Variants in DOCK4 observed in about 807,000 individuals in gnomAD.
DOCK4 encodes dedicator of cytokinesis protein 4.
In DOCK4, 97 loss-of-function variants were observed where a neutral mutation model predicts 268.1. The observed-to-expected ratio is 0.36, with a 90% confidence interval of 0.31 to 0.43. The LOEUF (loss-of-function observed/expected upper bound fraction) is 0.43, where lower values mean the gene tolerates loss of function less well. Among genes scored for constraint, DOCK4 ranks in the 20% least tolerant of loss-of-function variants. The probability of loss-of-function intolerance (pLI) is 1.00; values close to 1 mark genes in which losing one functional copy is unlikely to be tolerated. For synonymous variants in DOCK4, 954 were observed against 887.2 expected, an observed-to-expected ratio of 1.08 and a Z score of -1.34; for missense variants, 2,145 against 2,455.7, an observed-to-expected ratio of 0.87 and a Z score of 2.67.
chr7:111,868,455 A>G (rs1806154234), intron 21 of DOCK4, among the ~76,000 whole-genome samples: 1 of 152,242 alleles, frequency 6.6e-6, no homozygotes, highest in Non-Finnish European at 1.5e-5. Context: ...TCACGCCTGT[A>G]ATCCCAGCAC....
chr7:112,163,519 A>C (rs1440232669), intron 1 of DOCK4, among the ~76,000 whole-genome samples: 1 of 152,180 alleles, frequency 6.6e-6, no homozygotes, highest in African/African-American at 2.4e-5. Flanking sequence ...CAGCCAATGA[A>C]TGGTTGTCTT....
intron 1 of DOCK4, among the ~76,000 whole-genome samples, chr7:112,167,047 T>C (rs1817668410): frequency 6.6e-6 from 1 of 152,156 alleles, no homozygotes; most frequent in Non-Finnish European, 1.5e-5. Context: ...AAGGTTGCCA[T>C]CAAACACATC....
chr7:111,970,308 G>A (rs987561460), intron 8 of DOCK4, among the ~76,000 whole-genome samples: 4 of 150,682 alleles, frequency 2.7e-5, no homozygotes, highest in African/African-American at 9.9e-5. Context: ...TATGACCTTG[G>A]GCAAGTTATT....
chr7:111,786,195 G>A (rs796282128), intron 32 of DOCK4, among the ~76,000 whole-genome samples: 8 of 152,254 alleles, frequency 5.3e-5, no homozygotes, highest in South Asian at 2.1e-4. Context: ...AACTGCATAG[G>A]AGAAGGCAGA....
intron 22 of DOCK4, 40 bp from the exon 23 acceptor site, chr7:111,863,604 G>A (rs59559298): frequency 0.083 from 126,802 of 1,527,650 alleles, 6,183 homozygotes; most frequent in African/African-American, 0.17. Flanking sequence ...TCCCAGATAC[G>A]CCATGAGAAA....
chr7:112,028,527 G>C (rs1803000168), intron 1 of DOCK4, among the ~76,000 whole-genome samples: 1 of 152,186 alleles, frequency 6.6e-6, no homozygotes, highest in South Asian at 2.1e-4. Flanking sequence ...CCAATGAAAT[G>C]GCTGAATTGT....
At chr7:111,916,203 G>T (rs959681411) in intron 12 of DOCK4, among the ~76,000 whole-genome samples, 1 of 152,050 alleles carries the variant, frequency 6.6e-6, no homozygotes, top group African/African-American at 2.4e-5. Context: ...GGTGGAGCAC[G>T]TTCCTGCGCC....
chr7:112,069,629 A>C (rs918353086), intron 1 of DOCK4, among the ~76,000 whole-genome samples: 8 of 152,142 alleles, frequency 5.3e-5, no homozygotes, highest in Non-Finnish European at 7.3e-5. Context: ...TTCTCTTTAA[A>C]ACTTGGCTTC....
rs748038192 is a variant in DOCK4 at position 111,877,167 on chromosome 7, A to C, written c.1607T>G (p.Leu536Arg). The C allele has an allele frequency of 2.6e-6, 4 of 1,533,764 alleles. No homozygotes were observed. In the South Asian group the frequency reaches 5.2e-5, roughly 20 times the overall value. Residue 536 changes from leucine (L) to arginine (R), a missense_variant, in exon 17 of 53, where the codon CTT (leucine) becomes CGT (arginine). Transcript: ENST00000428084. ...IVHKCEENTN[L>R]QDTTRYLKLP... ...TTTGAGGTAGCGGGTAGTATCCTGAAGATTTGTGTTTTCTTCACACTGTTA... is the reference window on the plus strand; with the variant it reads ...TTTGAGGTAGCGGGTAGTATCCTGACGATTTGTGTTTTCTTCACACTGTTA...
chr7:111,728,444 G>A lies in DOCK4; in HGVS notation c.5758C>T (p.Arg1920Trp), dbSNP rs201685956. The change falls in exon 53 of 53, where the codon CGG (arginine) becomes TGG (tryptophan). Residue 1920 changes from arginine (R) to tryptophan (W), a missense_variant. Around this residue, in one of 2 missense-constraint regions of DOCK4, gnomAD observed 547 missense variants for 469.0 expected, o/e 1.17. Coordinates refer to ENST00000428084, the MANE Select transcript of DOCK4 (RefSeq NM_001363540.2). Reference protein sequence around the residue: ...PPYSVYERTLRRPVPLPHSLS... With the variant: ...PPYSVYERTLWRPVPLPHSLS... ...CTGTGAGGTAGCGGGACGGGGCGCC[G>A]CAGAGTCCGCTCGTAGACGCTGTAC... The A allele has an allele frequency of 6.8e-5, 109 of 1,600,124 alleles. No individual in the cohort carries two copies. In the East Asian group the frequency reaches 1.3e-3, roughly 19 times the overall value.
intron 6 of DOCK4, among the ~76,000 whole-genome samples, chr7:111,985,214 A>T (rs550645847): frequency 6.6e-6 from 1 of 152,218 alleles, no homozygotes; most frequent in African/African-American, 2.4e-5. Flanking sequence ...CACCAATGCC[A>T]CACAGTTCTG....
At chr7:112,077,625 G>A (rs1808193493) in intron 1 of DOCK4, among the ~76,000 whole-genome samples, 1 of 152,082 alleles carries the variant, frequency 6.6e-6, no homozygotes, top group Non-Finnish European at 1.5e-5. Flanking sequence ...ACCATAGTGT[G>A]TAATAGATTA....
intron 1 of DOCK4, among the ~76,000 whole-genome samples, chr7:112,153,689 A>T (rs138779635): frequency 7.9e-5 from 12 of 152,266 alleles, no homozygotes; most frequent in Admixed American, 7.8e-4. Context: ...ATTATTTATA[A>T]CATTATTCCA....
At chr7:112,088,075 C>T (rs998222455) in intron 1 of DOCK4, among the ~76,000 whole-genome samples, 4 of 152,040 alleles carry the variant, frequency 2.6e-5, no homozygotes, top group Non-Finnish European at 5.9e-5. Context: ...CCAGTGGGAT[C>T]GTGGGACAAG....
chr7:112,196,830 C>T (rs779863582), intron 1 of DOCK4, among the ~76,000 whole-genome samples: 1 of 152,112 alleles, frequency 6.6e-6, no homozygotes, highest in Non-Finnish European at 1.5e-5. Flanking sequence ...GTTGATATCA[C>T]CTTAAATATA....
In DOCK4 at chr7:111,732,300, A is replaced by G. The variant is rs757893026; in HGVS notation, c.5420-13T>C. ...CTTGCTGGTGAAGCTGTCAATGGGG[A>G]GAGAGATAACATTTCAATTAAGAAA... On this transcript the variant is annotated splice_polypyrimidine_tract_variant and intron_variant, in intron 51 of 52. Coordinates refer to ENST00000428084, the MANE Select transcript of DOCK4 (RefSeq NM_001363540.2). 4.3e-6 allele frequency: 7 copies of G among 1,613,716 alleles called. No individual in the cohort carries two copies. The highest frequency in any genetic ancestry group is 1.7e-5 in the Admixed American group (1 of 60,014).
At chr7:112,001,924 C>T (rs571264621) in intron 2 of DOCK4, among the ~76,000 whole-genome samples, 16 of 152,278 alleles carry the variant, frequency 1.1e-4, no homozygotes, top group Admixed American at 1.3e-4. Context: ...ACTATCCTTA[C>T]ATGTCTTTTT....
At chr7:112,154,492 T>C (rs1415259087) in intron 1 of DOCK4, among the ~76,000 whole-genome samples, 2 of 119,060 alleles carry the variant, frequency 1.7e-5, no homozygotes, top group Non-Finnish European at 3.7e-5. Flanking sequence ...CAGTGATGTT[T>C]TACATTTGTC....
At chr7:111,915,045 C>T (rs1792468723) in intron 13 of DOCK4, among the ~76,000 whole-genome samples, 1 of 152,204 alleles carries the variant, frequency 6.6e-6, no homozygotes, top group Admixed American at 6.5e-5. Context: ...AGCAAACGTA[C>T]TATTCTTATC....
Sources: allele counts gnomAD v4.1 joint callset (sites outside exome capture counted in the v4.1 genomes callset), GRCh38; gene constraint gnomAD v4.1.1; regional missense constraint gnomAD v4.1.1; transcripts MANE v1.5; gene names NCBI Gene and HGNC (gene_info 2026-07-23, HGNC 2026-07-21).